ATP10B: variants seen among roughly 807,000 people sequenced by gnomAD.
The protein encoded by ATP10B is ATPase phospholipid transporting 10B (putative).
Under a neutral mutation model 141.2 loss-of-function variants are expected in ATP10B, and 122 were observed. The observed-to-expected ratio is 0.86, with a 90% CI of 0.75 to 1.00. The LOEUF is 1.00. ATP10B is among the 50% of genes least tolerant of loss of function. ATP10B has a pLI of 0.00. For missense variants in ATP10B, 1,876 were observed against 1,825.3 expected, an observed-to-expected ratio of 1.03 and a Z score of -0.51; for synonymous variants, 685 against 692.0, an observed-to-expected ratio of 0.99 and a Z score of 0.16.
intron 21 of ATP10B, 60 bp downstream of exon 21, chr5:160,602,517 T>C: frequency 4.4e-6 from 7 of 1,608,990 alleles, no homozygotes; most frequent in Non-Finnish European, 5.9e-6. Context: ...TAGGGAGAGA[T>C]CTGGCCCCGT....
At chr5:160,910,854 A>G in the ATP10B span, among the ~76,000 whole-genome samples, 1 of 152,226 alleles carries the variant, frequency 6.6e-6, no homozygotes, top group African/African-American at 2.4e-5. Flanking sequence ...AAGTTTCATC[A>G]TAAAATTTGA....
chr5:160,814,135 A>G (rs1773400491), intron 1 of ATP10B, among the ~76,000 whole-genome samples: 1 of 152,226 alleles, frequency 6.6e-6, no homozygotes, highest in African/African-American at 2.4e-5. Flanking sequence ...TGGAAGGAGA[A>G]TGACTTTGAC....
intron 7 of ATP10B, among the ~76,000 whole-genome samples, chr5:160,661,061 C>T (rs2112293): frequency 0.88 from 133,691 of 152,104 alleles, 58,997 homozygotes; most frequent in African/African-American, 0.93. Flanking sequence ...TGGCACATGC[C>T]TGTAATCCCA....
chr5:160,805,649 G>A (rs1232340711), intron 1 of ATP10B, among the ~76,000 whole-genome samples: 1 of 152,074 alleles, frequency 6.6e-6, no homozygotes, highest in Non-Finnish European at 1.5e-5. Context: ...CAGGTACAGT[G>A]AAATGTGAGG....
chr5:160,795,307 C>T (rs1771859865), intron 1 of ATP10B, among the ~76,000 whole-genome samples: 1 of 152,140 alleles, frequency 6.6e-6, no homozygotes, highest in South Asian at 2.1e-4. Context: ...ATAGGAAATT[C>T]CCACATTATC....
At chr5:160,799,861 C>G (rs578140130) in intron 1 of ATP10B, among the ~76,000 whole-genome samples, 1 of 152,290 alleles carries the variant, frequency 6.6e-6, no homozygotes, top group Admixed American at 6.5e-5. Context: ...GATGGATTCA[C>G]TCATAGTTCT....
At chr5:160,772,888 G>A (rs144819717) in intron 2 of ATP10B, among the ~76,000 whole-genome samples, 2 of 152,316 alleles carry the variant, frequency 1.3e-5, no homozygotes, top group East Asian at 3.9e-4. Context: ...TAAGTCTTTA[G>A]GGAGAAATCT....
rs546204570 is a variant in ATP10B at position 160,600,657 on chromosome 5, A to G, written c.3364-1687T>C. 5.6e-4 allele frequency among the ~76,000 whole-genome samples: 85 copies of G among 152,278 alleles called. 1 individual carries two copies. The highest frequency in any genetic ancestry group is 1.9e-3 in the African/African-American group (80 of 41,572). On this transcript the variant is annotated intron_variant, in intron 21 of 25. Coordinates refer to ENST00000327245, the MANE Select transcript of ATP10B (RefSeq NM_025153.3). ...CTTCTTGCCTCCTGAGGCCCTGGTA[A>G]GATCTTGCTTGTTTTTCACTTCTGC...
At chr5:160,571,460 T>C (rs1000674811) in intron 24 of ATP10B, among the ~76,000 whole-genome samples, 3 of 152,224 alleles carry the variant, frequency 2.0e-5, no homozygotes, top group African/African-American at 7.2e-5. Flanking sequence ...GCTTATTCTT[T>C]GTTTCTTTAG....
rs192892946 is a variant in ATP10B, at chr5:160,839,913, A to T, written c.-576+12028T>A. Among the ~76,000 whole-genome samples, 915 of 152,222 alleles carry T rather than the reference A, an allele frequency of 6.0e-3. 13 individuals are homozygous for T. The highest frequency in any genetic ancestry group is 0.021 in the African/African-American group (871 of 41,576). On this transcript the variant is annotated intron_variant, in intron 1 of 25. Transcript: ENST00000327245. The stretch of plus-strand genomic sequence containing the variant: ...ATTTTATAATGCTAAAAACCACATT[A>T]TAGAATGAAGCTATAACAAAACTCA...
In ATP10B at chr5:160,632,378, G is replaced by A. The variant is rs770893323; in HGVS notation, c.1382-11C>T. ...TCTCCAGTCGCTTAGCTGCAAGAAA[G>A]GAGTCCTGTTATTGCACTAGTTGTA... On this transcript the variant is annotated splice_polypyrimidine_tract_variant and intron_variant, in intron 12 of 25. Transcript: ENST00000327245. 18 of 1,612,044 alleles carry A rather than the reference G, an allele frequency of 1.1e-5. No homozygotes were observed. Among genetic ancestry groups the A allele is most frequent in the Non-Finnish European group, 1.4e-5 (17 of 1,178,164 alleles).
intron 2 of ATP10B, among the ~76,000 whole-genome samples, chr5:160,755,825 AAAAAAAAAAAAAAATATATATATATATAT>A (rs1369507909): frequency 1.0e-4 from 7 of 67,634 alleles, no homozygotes; most frequent in African/African-American, 3.5e-4. Flanking sequence ...AAAAAAAAAA[AAAAAAAAAAAAAAATATATATATATATAT>A]ATATATATAT....
the ATP10B span, among the ~76,000 whole-genome samples, chr5:160,868,376 C>T: frequency 6.6e-6 from 1 of 152,072 alleles, no homozygotes; most frequent in Non-Finnish European, 1.5e-5. Context: ...ACAAGGTTGA[C>T]AACAGAGCTT....
chr5:160,665,981 T>A (rs1561724078), intron 7 of ATP10B, among the ~76,000 whole-genome samples: 1 of 152,216 alleles, frequency 6.6e-6, no homozygotes, highest in Non-Finnish European at 1.5e-5. Context: ...AGATGATTAG[T>A]GAGATTTGCT....
chr5:160,644,237 G>C lies in ATP10B; in HGVS notation c.769C>G (p.Pro257Ala). The C allele has an allele frequency of 6.2e-7, 1 of 1,613,762 alleles. No individual in the cohort carries two copies. Among genetic ancestry groups the C allele is most frequent in the Admixed American group, 1.7e-5 (1 of 60,012 alleles). Residue 257 changes from proline (P) to alanine (A), a missense_variant, in exon 9 of 26, where the codon CCT (proline) becomes GCT (alanine). Transcript: ENST00000327245. ...CCAAAGCCAGTCCTGGTCTGGTCAG[G>C]ATGCTCCCTGGGGATGATGAATAAA... ...LNKFKGYMEH[P>A]DQTRTGFGCE...
intron 2 of ATP10B, among the ~76,000 whole-genome samples, chr5:160,766,504 A>G (rs1458814313): frequency 1.3e-5 from 2 of 152,250 alleles, no homozygotes; most frequent in East Asian, 3.9e-4. Flanking sequence ...GGAAAATCAA[A>G]TGTTGTATGT....
At chr5:160,848,652 T>C (rs914892690) in intron 1 of ATP10B, among the ~76,000 whole-genome samples, 2 of 152,226 alleles carry the variant, frequency 1.3e-5, no homozygotes, top group African/African-American at 4.8e-5. Context: ...GAGTTTTAGC[T>C]GGACCCTGCT....
At chr5:160,751,692 C>T (rs1051270993) in intron 2 of ATP10B, among the ~76,000 whole-genome samples, 2 of 151,890 alleles carry the variant, frequency 1.3e-5, no homozygotes, top group South Asian at 4.2e-4. Context: ...ATTTCCTTGT[C>T]CACTCTGGAA....
chr5:160,736,650 C>T (rs968950724), intron 2 of ATP10B, among the ~76,000 whole-genome samples: 1 of 152,110 alleles, frequency 6.6e-6, no homozygotes, highest in Non-Finnish European at 1.5e-5. Flanking sequence ...GTCCCAACTA[C>T]CTGGGAGGCT....
Sources: gnomAD v4.1 joint callset for allele counts (sites outside exome capture counted in the v4.1 genomes callset) on GRCh38, gnomAD v4.1.1 for gene constraint, MANE v1.5 for transcripts, NCBI Gene and HGNC (gene_info 2026-07-23, HGNC 2026-07-21) for gene names.